The following PAG1 variants were observed in gnomAD, a reference collection of about 807,000 sequenced individuals.
PAG1 encodes the protein phosphoprotein membrane anchor with glycosphingolipid microdomains 1.
A neutral mutation model predicts 31.7 loss-of-function variants in PAG1; 23 were observed. That is an observed-to-expected ratio of 0.73 (90% CI 0.52 to 1.03). PAG1 has a LOEUF of 1.03. Ranked by LOEUF, PAG1 falls within the 50% of genes least tolerant of loss-of-function variation. The pLI is 0.00. For missense variants in PAG1, 473 were observed against 540.7 expected (o/e 0.87, Z 1.24); for synonymous variants, 214 against 210.3 (o/e 1.02, Z -0.15).
intron 1 of PAG1, among the ~76,000 whole-genome samples, chr8:81,079,447 T>C (rs1809230480): frequency 6.6e-6 from 1 of 152,210 alleles, no homozygotes; most frequent in Non-Finnish European, 1.5e-5. Flanking sequence ...CTTCTGGATG[T>C]CTACTCTGTA....
rs115415146 is a variant in PAG1 at position 80,970,845 on chromosome 8, G to A, written c.*5699C>T. The A allele has an allele frequency of 0.019, 2,927 of 152,968 alleles. 100 individuals are homozygous for A. Among genetic ancestry groups the A allele is most frequent in the African/African-American group, 0.067 (2,778 of 41,534 alleles). The allele number at this position is 152,968 out of a possible 1,614,324, so 9.5% of individuals were successfully genotyped here. On this transcript the variant is annotated 3_prime_UTR_variant, in exon 9 of 9. Coordinates refer to ENST00000220597, the MANE Select transcript of PAG1 (RefSeq NM_018440.4). ...CTGTGACGAGGCATGGTTCTGTGCC[G>A]GCTGGCAGGGTCTGTGATATGGCAG...
intron 1 of PAG1, among the ~76,000 whole-genome samples, chr8:81,092,501 T>G (rs1474365783): frequency 6.6e-6 from 1 of 152,234 alleles, no homozygotes. Context: ...GACAAATCCA[T>G]AGAATCTACA....
chr8:81,033,920 T>C (rs1808421596), intron 2 of PAG1, among the ~76,000 whole-genome samples: 1 of 152,210 alleles, frequency 6.6e-6, no homozygotes, highest in South Asian at 2.1e-4. Context: ...TAACAGTCTC[T>C]TCTGGGGAAG....
intron 1 of PAG1, among the ~76,000 whole-genome samples, chr8:81,090,864 C>G (rs866835708): frequency 6.6e-6 from 1 of 152,180 alleles, no homozygotes; most frequent in Middle Eastern, 3.2e-3. Context: ...GGAGTTAGAT[C>G]TCTTACCTGG....
intron 2 of PAG1, among the ~76,000 whole-genome samples, chr8:81,059,734 C>T (rs552099942): frequency 5.3e-5 from 8 of 152,238 alleles, no homozygotes; most frequent in East Asian, 1.9e-4. Flanking sequence ...TAAAAGCCTA[C>T]GTATTTTGGG....
chr8:81,054,126 A>G (rs1374018691), intron 2 of PAG1, among the ~76,000 whole-genome samples: 3 of 152,202 alleles, frequency 2.0e-5, no homozygotes, highest in African/African-American at 7.2e-5. Context: ...CTTGGAATGG[A>G]CAAGATCACC....
chr8:81,059,778 C>A (rs7832469), intron 2 of PAG1, among the ~76,000 whole-genome samples: 1 of 151,914 alleles, frequency 6.6e-6, no homozygotes, highest in African/African-American at 2.4e-5. Flanking sequence ...GTAATCCCAG[C>A]ACTTTGGGAG....
chr8:81,013,111 T>C (rs1463844339), intron 3 of PAG1, among the ~76,000 whole-genome samples: 1 of 152,176 alleles, frequency 6.6e-6, no homozygotes, highest in East Asian at 1.9e-4. Flanking sequence ...GAGGTATGGG[T>C]CAAAGGATGA....
chr8:81,017,053 G>A (rs756325483), intron 3 of PAG1, among the ~76,000 whole-genome samples: 1 of 152,082 alleles, frequency 6.6e-6, no homozygotes, highest in Non-Finnish European at 1.5e-5. Context: ...GAGTGAACCT[G>A]GCCAAGACGA....
chr8:80,969,459 A>G lies in PAG1; in HGVS notation c.*7085T>C, dbSNP rs1279453525. 1 of 152,184 alleles carries G rather than the reference A, an allele frequency of 6.6e-6. No homozygotes were observed. Among genetic ancestry groups the G allele is most frequent in the Non-Finnish European group, 1.5e-5 (1 of 68,032 alleles). The allele number at this position is 152,184 out of a possible 1,614,324, so 9.4% of individuals were successfully genotyped here. ...TGAGGAGCTAAAGATTAAAAAAAAA[A>G]TTCTCTTTAAGCTTAAGAAAAGGAA... is the stretch of plus-strand genomic sequence containing the variant. On this transcript the variant is annotated 3_prime_UTR_variant, in exon 9 of 9. Transcript: ENST00000220597.
chr8:81,109,370 C>T (rs144652146), intron 1 of PAG1, among the ~76,000 whole-genome samples: 8 of 152,290 alleles, frequency 5.3e-5, no homozygotes, highest in East Asian at 1.9e-4. Flanking sequence ...CACAGACAGA[C>T]GTGGGTTAAA....
intron 8 of PAG1, among the ~76,000 whole-genome samples, chr8:80,978,793 A>G (rs935292286): frequency 1.3e-5 from 2 of 152,186 alleles, no homozygotes; most frequent in Non-Finnish European, 2.9e-5. Flanking sequence ...TTCTATGACC[A>G]TTATGACTAT....
At chr8:81,047,142 C>G (rs1486734176) in intron 2 of PAG1, among the ~76,000 whole-genome samples, 1 of 152,166 alleles carries the variant, frequency 6.6e-6, no homozygotes, top group Non-Finnish European at 1.5e-5. Context: ...GCGAATAGTA[C>G]CGCAATGAAC....
intron 2 of PAG1, among the ~76,000 whole-genome samples, chr8:81,062,121 T>A (rs1808928881): frequency 6.6e-6 from 1 of 152,212 alleles, no homozygotes; most frequent in African/African-American, 2.4e-5. Flanking sequence ...ACACCTCAGT[T>A]ATCTATAAAA....
intron 1 of PAG1, among the ~76,000 whole-genome samples, chr8:81,104,189 C>G (rs1006299599): frequency 1.3e-5 from 2 of 151,768 alleles, no homozygotes; most frequent in African/African-American, 4.8e-5. Flanking sequence ...AGCAAGTTAA[C>G]AGTCAGACCT....
chr8:81,029,071 G>A (rs962568009), intron 3 of PAG1, among the ~76,000 whole-genome samples: 2 of 152,084 alleles, frequency 1.3e-5, no homozygotes, highest in Admixed American at 6.6e-5. Context: ...TTCTGTGTGC[G>A]GGTACACAAA....
intron 2 of PAG1, among the ~76,000 whole-genome samples, chr8:81,056,929 CA>C (rs1808833567): frequency 6.6e-6 from 1 of 152,184 alleles, no homozygotes; most frequent in African/African-American, 2.4e-5. Context: ...AGACACTTCT[CA>C]AAAGAAGACA....
Position 80,976,592 on chromosome 8 carries a change from G to C in PAG1, c.1251C>G (p.Tyr417Ter). The change falls in exon 9 of 9, where the codon TAC becomes TAG. Residue 417 changes from tyrosine (Y) to a stop codon, truncating the protein, a stop_gained. Transcript: ENST00000220597. LOFTEE classifies it high-confidence loss of function. ...HHGLVPKEND[Y>*]ESISDLQQGR... ...CTTGCTGCAAGTCACTTATGCTCTCGTAGTCGTTCTCCTTTGGGACGAGAC... is the reference window on the plus strand; with the variant it reads ...CTTGCTGCAAGTCACTTATGCTCTCCTAGTCGTTCTCCTTTGGGACGAGAC... 1 of 1,613,964 alleles carries C rather than the reference G, an allele frequency of 6.2e-7. No individual in the cohort carries two copies. Among genetic ancestry groups the C allele is most frequent in the Non-Finnish European group, 8.5e-7 (1 of 1,179,954 alleles).
At position 81,111,959 on chromosome 8, in the gene PAG1, G is replaced by C. The variant is rs1305830865; in HGVS notation, c.-602C>G. On this transcript the variant is annotated 5_prime_UTR_variant, in exon 1 of 9. Transcript: ENST00000220597. Reference sequence around the variant, plus strand: ...GGAGAAAAACCGATGCGCTGCCGCAGGCAGAGCCGCCAGCCCGCCCCCAGT... The same window carrying C: ...GGAGAAAAACCGATGCGCTGCCGCACGCAGAGCCGCCAGCCCGCCCCCAGT... 6.6e-6 allele frequency: 1 copy of C among 152,260 alleles called. No individual in the cohort carries two copies. Among genetic ancestry groups the C allele is most frequent in the Non-Finnish European group, 1.5e-5 (1 of 68,084 alleles). The allele number at this position is 152,260 out of a possible 1,614,324, so 9.4% of individuals were successfully genotyped here. A position where few individuals can be genotyped will look rare whatever the true frequency, so the allele number is the denominator to read the frequency against.
Sources: allele counts gnomAD v4.1 joint callset (sites outside exome capture counted in the v4.1 genomes callset), GRCh38; gene constraint gnomAD v4.1.1; transcripts MANE v1.5; gene names NCBI Gene and HGNC (gene_info 2026-07-23, HGNC 2026-07-21).